Variants in HMCN1 observed in about 807,000 individuals in gnomAD.
HMCN1 encodes the protein hemicentin 1, also known as hemicentin-1.
Under a neutral mutation model 625.9 loss-of-function variants are expected in HMCN1, and 321 were observed. The observed-to-expected ratio is 0.51, with a 90% CI of 0.47 to 0.56. The LOEUF (loss-of-function observed/expected upper bound fraction) is 0.56. Among genes scored for constraint, HMCN1 ranks in the 20% least tolerant of loss-of-function variants. HMCN1 has a pLI of 0.00. For synonymous variants in HMCN1, 2,425 were observed against 2,417.6 expected (o/e 1.00, Z -0.09); for missense variants, 6,588 against 6,887.3 (o/e 0.96, Z 1.54).
At chr1:185,910,719 C>T (rs1392899125) in intron 5 of HMCN1, among the ~76,000 whole-genome samples, 1 of 151,868 alleles carries the variant, frequency 6.6e-6, no homozygotes, top group African/African-American at 2.4e-5. Context: ...TACAGGTGCG[C>T]ACCACCACGC....
intron 52 of HMCN1, among the ~76,000 whole-genome samples, chr1:186,072,401 G>A (rs1276632611): frequency 6.6e-6 from 1 of 151,922 alleles, no homozygotes; most frequent in Non-Finnish European, 1.5e-5. Context: ...ATGATTAATT[G>A]CATTCTGAAT....
chr1:186,160,697 G>A (rs1651399016), intron 97 of HMCN1, among the ~76,000 whole-genome samples: 1 of 152,176 alleles, frequency 6.6e-6, no homozygotes, highest in African/African-American at 2.4e-5. Flanking sequence ...TCATTCAGGA[G>A]CAGGTTGTTC....
chr1:186,043,694 C>T (rs949606060), intron 40 of HMCN1, among the ~76,000 whole-genome samples: 1 of 152,052 alleles, frequency 6.6e-6, no homozygotes, highest in Non-Finnish European at 1.5e-5. Flanking sequence ...AAATTATTTC[C>T]AAGCTGTGAA....
chr1:185,771,489 A>G (rs1411558104), intron 1 of HMCN1, among the ~76,000 whole-genome samples: 1 of 152,160 alleles, frequency 6.6e-6, no homozygotes, highest in African/African-American at 2.4e-5. Context: ...TGTTTTGATT[A>G]TTTGGTAGGT....
chr1:185,893,571 C>T (rs1571517541), intron 4 of HMCN1, among the ~76,000 whole-genome samples: 2 of 151,978 alleles, frequency 1.3e-5, no homozygotes, highest in Non-Finnish European at 1.5e-5. Flanking sequence ...GTATATTGCC[C>T]AGCATCATTG....
chr1:185,893,753 A>T (rs1665298549), intron 4 of HMCN1, among the ~76,000 whole-genome samples: 1 of 152,192 alleles, frequency 6.6e-6, no homozygotes, highest in African/African-American at 2.4e-5. Context: ...TTTATGAATT[A>T]TTGTTATTTT....
chr1:185,987,542 A>G lies in HMCN1; in HGVS notation c.3046A>G (p.Lys1016Glu). Residue 1016 changes from lysine (K) to glutamate (E), a missense_variant and splice_region_variant, in exon 20 of 107, where the codon AAG (lysine) becomes GAG (glutamate). This residue lies in a region of HMCN1 where 4,628 missense variants were observed against 4,853.1 expected (regional missense o/e 0.95). Transcript: ENST00000271588. ...GNPKPSVIWSKKGELISTSSA... is the reference protein window; with the variant it reads ...GNPKPSVIWSEKGELISTSSA... ...TCCCAAACCGTCTGTCATCTGGTCC[A>G]AGGTAAATGATACATCTAGTTATAT... 1.3e-6 allele frequency: 2 copies of G among 1,583,056 alleles called. No homozygotes were observed. Among genetic ancestry groups the G allele is most frequent in the South Asian group, 1.1e-5 (1 of 90,432 alleles).
intron 6 of HMCN1, among the ~76,000 whole-genome samples, chr1:185,915,265 A>T (rs1429470068): frequency 6.6e-6 from 1 of 152,076 alleles, no homozygotes; most frequent in African/African-American, 2.4e-5. Flanking sequence ...ATGCTCCTAA[A>T]TTTCCATTTG....
chr1:186,077,264 G>A lies in HMCN1; in HGVS notation c.8485+642G>A, dbSNP rs1208329635. On this transcript the variant is annotated intron_variant, in intron 54 of 106. Transcript: ENST00000271588. The stretch of plus-strand genomic sequence containing the variant: ...AATGAAAAGAGACTAAGTAGATAGG[G>A]TAACTCTGTCTAATATGTGATCCTA... Among the ~76,000 whole-genome samples, 3 of 152,110 alleles carry A rather than the reference G, an allele frequency of 2.0e-5. No individual in the cohort carries two copies. The East Asian group carries it at 5.8e-4, about 29-fold the overall frequency.
Position 186,117,015 on chromosome 1 carries a change from A to G in HMCN1, c.11583A>G (p.Leu3861=), listed in dbSNP as rs745762131. 127 of 1,613,098 alleles carry G rather than the reference A, an allele frequency of 7.9e-5. 1 individual carries two copies. Among genetic ancestry groups the G allele is most frequent in the Non-Finnish European group, 4.1e-5 (48 of 1,179,310 alleles). Residue 3861 remains leucine (L), a synonymous_variant, in exon 76 of 107, where the codon CTA becomes CTG. Transcript: ENST00000271588. ...NSYRLLSSGS[L]VIISPSVDDT... ...CTAGGCTCCTTTCTTCAGGTTCACT[A>G]GTAATTATTTCCCCTTCTGTGGATG...
chr1:185,780,701 C>T (rs1657016252), intron 1 of HMCN1, among the ~76,000 whole-genome samples: 1 of 152,182 alleles, frequency 6.6e-6, no homozygotes, highest in Non-Finnish European at 1.5e-5. Context: ...ATGAAGCCCA[C>T]TTGATTGTGG....
At chr1:186,079,564 G>A (rs1659044457) in intron 55 of HMCN1, among the ~76,000 whole-genome samples, 1 of 152,154 alleles carries the variant, frequency 6.6e-6, no homozygotes, top group Non-Finnish European at 1.5e-5. Context: ...ACTGAGTCAT[G>A]CAGGCCTGGA....
In HMCN1 at chr1:185,911,544, A is replaced by T; in HGVS notation, c.794-130A>T. Reference sequence around the variant, plus strand: ...GACTCTTTGGGTTAGTTTGCAGCACACTTTGGTAAAAAATGAGCCAGTGTT... The same window carrying T: ...GACTCTTTGGGTTAGTTTGCAGCACTCTTTGGTAAAAAATGAGCCAGTGTT... On this transcript the variant is annotated intron_variant, in intron 5 of 106. Coordinates refer to ENST00000271588, the MANE Select transcript of HMCN1 (RefSeq NM_031935.3). 4 of 789,512 alleles carry T rather than the reference A, an allele frequency of 5.1e-6. No homozygotes were observed. The South Asian group carries it at 5.5e-5, about 11-fold the overall frequency. 48.9% of individuals were successfully genotyped at this position (789,512 alleles called of 1,614,324 possible).
chr1:185,969,251 A>G (rs1650630108), intron 14 of HMCN1, among the ~76,000 whole-genome samples: 1 of 152,182 alleles, frequency 6.6e-6, no homozygotes, highest in African/African-American at 2.4e-5. Context: ...TACTGCTCTC[A>G]TTTTCACGTG....
At chr1:186,049,444 T>TGTG (rs1656801826) in intron 42 of HMCN1, among the ~76,000 whole-genome samples, 1 of 151,718 alleles carries the variant, frequency 6.6e-6, no homozygotes, top group South Asian at 2.1e-4. Flanking sequence ...TATTCACTCG[T>TGTG]GTGGTGGGAG....
chr1:185,989,755 T>G (rs931567632), intron 21 of HMCN1, 108 bp downstream of exon 21: 77 of 831,870 alleles, frequency 9.3e-5, no homozygotes, highest in Non-Finnish European at 1.2e-4. Flanking sequence ...TAAAGTGAAC[T>G]GCTCCCCCAG....
At chr1:186,128,435 T>G (rs1189391218) in intron 83 of HMCN1, 144 bp downstream of exon 83, 1 of 709,490 alleles carries the variant, frequency 1.4e-6, no homozygotes, top group Non-Finnish European at 2.4e-6. Context: ...CTGCTTGGAT[T>G]TTACCCTCTA....
intron 48 of HMCN1, among the ~76,000 whole-genome samples, chr1:186,063,085 T>TGC (rs1413716048): frequency 7.9e-5 from 10 of 126,806 alleles, no homozygotes; most frequent in African/African-American, 3.0e-4. Flanking sequence ...TATATATATA[T>TGC]ATATATATAT....
intron 11 of HMCN1, among the ~76,000 whole-genome samples, chr1:185,949,983 T>A (rs61829924): frequency 3.6e-3 from 486 of 133,534 alleles, no homozygotes; most frequent in South Asian, 9.1e-3. Flanking sequence ...TAGTGGCTTG[T>A]ACTATAGCAT....
Sources: gnomAD v4.1 joint callset for allele counts (sites outside exome capture counted in the v4.1 genomes callset) on GRCh38, gnomAD v4.1.1 for gene constraint, gnomAD v4.1.1 regional missense constraint, MANE v1.5 for transcripts, NCBI Gene and HGNC (gene_info 2026-07-23, HGNC 2026-07-21) for gene names.